Variants in IFT140 observed in about 807,000 individuals in gnomAD.
IFT140 encodes intraflagellar transport protein 140 homolog.
A neutral mutation model predicts 164.6 loss-of-function variants in IFT140; 133 were observed. The ratio of observed to expected loss-of-function variants is 0.81; its 90% CI spans 0.70 to 0.93. The LOEUF (loss-of-function observed/expected upper bound fraction) is 0.93. Among genes scored for constraint, IFT140 ranks in the 40% least tolerant of loss-of-function variants. IFT140 has a pLI of 0.00. For synonymous variants in IFT140, 860 were observed against 817.3 expected (o/e 1.05, Z -0.89); for missense variants, 2,045 against 1,972.3 (o/e 1.04, Z -0.70).
intron 18 of IFT140, among the ~76,000 whole-genome samples, chr16:1,561,675 G>T (rs928350048): frequency 6.6e-6 from 1 of 152,242 alleles, no homozygotes; most frequent in African/African-American, 2.4e-5. Context: ...TCGGGGAAAA[G>T]GCAAGGGGGA....
chr16:1,584,033 C>A (rs2034727414), intron 11 of IFT140, among the ~76,000 whole-genome samples, 184 bp downstream of exon 11: 1 of 152,158 alleles, frequency 6.6e-6, no homozygotes, highest in Non-Finnish European at 1.5e-5. Context: ...CCGTGCCTGG[C>A]CTATATTCTT....
At position 1,551,445 on chromosome 16, in the gene IFT140, C is replaced by T. The variant is rs1466595824; in HGVS notation, c.2399+6490G>A. Among the ~76,000 whole-genome samples, 1 of 152,134 alleles carries T rather than the reference C, an allele frequency of 6.6e-6. No individual in the cohort carries two copies. Among genetic ancestry groups the T allele is most frequent in the Non-Finnish European group, 1.5e-5 (1 of 68,022 alleles). ...AGGGGTGGAAAGGGCCACTGGGCCC[C>T]AGGGTGGCAGAAGGGCGGCCGCAGG... On this transcript the variant is annotated intron_variant, in intron 19 of 30. Transcript: ENST00000426508. The surrounding 1 kb of genome is among the most constrained non-coding windows in gnomAD (Gnocchi z 4.0).
chr16:1,552,322 T>C (rs2281233), intron 19 of IFT140, among the ~76,000 whole-genome samples: 24,483 of 151,696 alleles, frequency 0.16, 2,312 homozygotes, highest in African/African-American at 0.23. Flanking sequence ...GCTCCCACTG[T>C]CCCTGCCAAG....
At chr16:1,597,666 A>G (rs2035532712) in intron 4 of IFT140, among the ~76,000 whole-genome samples, 1 of 152,168 alleles carries the variant, frequency 6.6e-6, no homozygotes. Flanking sequence ...TTCCAGCACA[A>G]TCTTAGATTT....
At chr16:1,541,965 G>T in intron 19 of IFT140, 1 of 1,610,322 alleles carries the variant, frequency 6.2e-7, no homozygotes. Context: ...GGCCACGGCC[G>T]CGCTCACCGC....
intron 7 of IFT140, 60 bp downstream of exon 7, chr16:1,589,545 G>A: frequency 1.9e-6 from 3 of 1,561,098 alleles, no homozygotes; most frequent in Non-Finnish European, 2.6e-6. Flanking sequence ...CCGTCAACGA[G>A]GCCAGAGAGA....
In IFT140 at chr16:1,531,253, C is replaced by T. The variant is rs1464579266; in HGVS notation, c.2400-4457G>A. On this transcript the variant is annotated intron_variant, in intron 19 of 30. Transcript: ENST00000426508. This position sits in a 1 kb window ranked among gnomAD's most constrained non-coding sequence, Gnocchi z 4.7. ...CAGTCTGTGGAGTCACCCACATCTG[C>T]ACTTCATCAGCCCCGAGGCACTGGA... 3 of 152,240 alleles carry T rather than the reference C, an allele frequency of 2.0e-5. No homozygotes were observed. The highest frequency in any genetic ancestry group is 4.4e-5 in the Non-Finnish European group (3 of 68,068). The allele number at this position is 152,240 out of a possible 1,614,324, so 9.4% of individuals were successfully genotyped here. A position where few individuals can be genotyped will look rare whatever the true frequency, so the allele number is the denominator to read the frequency against.
In IFT140 at chr16:1,523,948, G is replaced by A. The variant is rs2040597959; in HGVS notation, c.3150C>T (p.Gly1050=). 2 of 1,611,968 alleles carry A rather than the reference G, an allele frequency of 1.2e-6. No individual in the cohort carries two copies. Among genetic ancestry groups the A allele is most frequent in the South Asian group, 2.2e-5 (2 of 91,052 alleles). The change falls in exon 25 of 31, where the codon GGC becomes GGT. Residue 1050 remains glycine, a synonymous_variant. Coordinates refer to ENST00000426508, the MANE Select transcript of IFT140 (RefSeq NM_014714.4). ...KNAIRLCKEN[G]LDDQLMNLAL... ...CCAAGTTCATGAGCTGGTCGTCCAG[G>A]CCGTTCTCCTGCAGGGAGGGAGGCA... is the stretch of plus-strand genomic sequence containing the variant.
At chr16:1,513,925 G>A (rs988566971) in intron 30 of IFT140, among the ~76,000 whole-genome samples, 48 of 149,702 alleles carry the variant, frequency 3.2e-4, no homozygotes, top group Non-Finnish European at 5.0e-4. Flanking sequence ...TGCCCGCCTT[G>A]GCCTCCCAAA....
chr16:1,606,943 CAG>C lies in IFT140; in HGVS notation c.147+175_147+176del, dbSNP rs527424135. ...ACGTGTGCGCACACACACACAGATG[CAG>C]ACATACATATGCGCATACACACACC... On this transcript the variant is annotated intron_variant, in intron 3 of 30. Transcript: ENST00000426508. Among the ~76,000 whole-genome samples the C allele has an allele frequency of 2.0e-3, 311 of 151,876 alleles. 4 individuals are homozygous for C. Among genetic ancestry groups the C allele is most frequent in the Non-Finnish European group, 9.3e-4 (63 of 67,936 alleles).
chr16:1,572,118 T>G (rs1295325104), intron 13 of IFT140, among the ~76,000 whole-genome samples: 2 of 152,146 alleles, frequency 1.3e-5, no homozygotes, highest in Non-Finnish European at 2.9e-5. Context: ...ACGCACCCAC[T>G]CTTTCTAAGT....
At position 1,607,314 on chromosome 16, in the gene IFT140, A is replaced by G; in HGVS notation, c.-31-17T>C. 6.4e-7 allele frequency: 1 copy of G among 1,567,850 alleles called. No homozygotes were observed. Among genetic ancestry groups the G allele is most frequent in the Non-Finnish European group, 8.7e-7 (1 of 1,155,324 alleles). On this transcript the variant is annotated splice_polypyrimidine_tract_variant and intron_variant, in intron 2 of 30. Transcript: ENST00000426508. Reference sequence around the variant, plus strand: ...CGCTGAAACCTGCAGGGAAAAAAAAATGACCAAGTCCAATCAGTTTTAAAT... The same window carrying G: ...CGCTGAAACCTGCAGGGAAAAAAAAGTGACCAAGTCCAATCAGTTTTAAAT...
At chr16:1,550,263 A>G (rs2032524694) in intron 19 of IFT140, among the ~76,000 whole-genome samples, 3 of 152,168 alleles carry the variant, frequency 2.0e-5, no homozygotes, top group East Asian at 1.9e-4. Flanking sequence ...ATTTAGAAAC[A>G]GTGTTCTTGG....
At chr16:1,523,335 C>T (rs1567326352) in intron 26 of IFT140, among the ~76,000 whole-genome samples, 183 bp downstream of exon 26, 2 of 150,890 alleles carry the variant, frequency 1.3e-5, no homozygotes, top group African/African-American at 2.4e-5. Flanking sequence ...TGAAGGATGG[C>T]GAGTCTACAC....
In IFT140 at chr16:1,553,706, C is replaced by T; in HGVS notation, c.2399+4229G>A. Reference sequence around the variant, plus strand: ...TGAAGGCTGGCTGGAGGCCCCATGGCCTCCAGGACAATCTGTGGCCACATC... The same window carrying T: ...TGAAGGCTGGCTGGAGGCCCCATGGTCTCCAGGACAATCTGTGGCCACATC... On this transcript the variant is annotated intron_variant, in intron 19 of 30. Coordinates refer to ENST00000426508, the MANE Select transcript of IFT140 (RefSeq NM_014714.4). This position sits in a 1 kb window ranked among gnomAD's most constrained non-coding sequence, Gnocchi z 4.4. 1 of 1,078,490 alleles carries T rather than the reference C, an allele frequency of 9.3e-7. No individual in the cohort carries two copies. The highest frequency in any genetic ancestry group is 2.7e-5 in the South Asian group (1 of 36,952). The allele number at this position is 1,078,490 out of a possible 1,614,324, so 66.8% of individuals were successfully genotyped here.
intron 15 of IFT140, 144 bp from the exon 16 acceptor site, chr16:1,566,435 T>C (rs1231032970): frequency 1.4e-6 from 1 of 693,316 alleles, no homozygotes; most frequent in Non-Finnish European, 2.4e-6. Context: ...TTCCAAGGAC[T>C]AGCATGCTTT....
chr16:1,593,393 C>T (rs1015819188), intron 4 of IFT140, among the ~76,000 whole-genome samples: 18 of 151,540 alleles, frequency 1.2e-4, no homozygotes, highest in African/African-American at 4.1e-4. Flanking sequence ...CTCACTGCAA[C>T]CTCCGCCTCC....
At chr16:1,602,313 G>T in intron 4 of IFT140, 57 bp downstream of exon 4, 1 of 1,461,608 alleles carries the variant, frequency 6.8e-7, no homozygotes, top group Non-Finnish European at 9.5e-7. Flanking sequence ...TCATACTCTC[G>T]AGCATGGTCA....
At chr16:1,552,739 C>G (rs1357554847) in intron 19 of IFT140, among the ~76,000 whole-genome samples, 1 of 150,354 alleles carries the variant, frequency 6.7e-6, no homozygotes, top group Non-Finnish European at 1.5e-5. Context: ...ACCTCCGCCT[C>G]TTGGGTTCAA....
Sources: gnomAD v4.1 joint callset for allele counts (sites outside exome capture counted in the v4.1 genomes callset) on GRCh38, gnomAD v4.1.1 for gene constraint, Gnocchi (gnomAD v3.1) non-coding constraint, MANE v1.5 for transcripts, NCBI Gene and HGNC (gene_info 2026-07-23, HGNC 2026-07-21) for gene names.